The following PARP8 variants were observed in gnomAD, a reference collection of about 807,000 sequenced individuals.
PARP8 encodes the protein protein mono-ADP-ribosyltransferase PARP8.
A neutral mutation model predicts 124.1 loss-of-function variants in PARP8; 51 were observed. The observed-to-expected ratio is 0.41, with a 90% CI of 0.33 to 0.52. PARP8 has a LOEUF of 0.52. Among genes scored for constraint, PARP8 ranks in the 20% least tolerant of loss-of-function variants. The pLI is 0.21. For missense variants in PARP8, 860 were observed against 1,018.9 expected (o/e 0.84, Z 2.12); for synonymous variants, 391 against 361.5 (o/e 1.08, Z -0.93).
At chr5:50,749,180 A>T (rs1334564417) in intron 2 of PARP8, among the ~76,000 whole-genome samples, 3 of 152,148 alleles carry the variant, frequency 2.0e-5, no homozygotes, top group African/African-American at 7.2e-5. Context: ...ATTATATTGG[A>T]TTCACCCTGT....
chr5:50,667,263 G>A, intron 1 of PARP8, 77 bp downstream of exon 1: 1 of 1,450,954 alleles, frequency 6.9e-7, no homozygotes, highest in Non-Finnish European at 9.5e-7. Context: ...TGTGGCTGGG[G>A]GTGGGGTGGA....
chr5:50,701,109 CTT>C (rs1753548775), intron 2 of PARP8, among the ~76,000 whole-genome samples: 2 of 152,058 alleles, frequency 1.3e-5, no homozygotes, highest in South Asian at 4.1e-4. Context: ...TGTGAATTGA[CTT>C]TACAGATTTT....
At chr5:50,740,396 A>G (rs931913634) in intron 2 of PARP8, among the ~76,000 whole-genome samples, 3 of 152,182 alleles carry the variant, frequency 2.0e-5, no homozygotes, top group African/African-American at 7.2e-5. Context: ...CATGCTCAAG[A>G]ACTGAAAGGA....
At chr5:50,769,827 T>C (rs1761423596) in intron 7 of PARP8, among the ~76,000 whole-genome samples, 1 of 152,064 alleles carries the variant, frequency 6.6e-6, no homozygotes, top group Non-Finnish European at 1.5e-5. Flanking sequence ...ATCTCCATAT[T>C]GTGATAAGAC....
At chr5:50,741,335 G>A (rs985819909) in intron 2 of PARP8, among the ~76,000 whole-genome samples, 1 of 152,124 alleles carries the variant, frequency 6.6e-6, no homozygotes, top group Non-Finnish European at 1.5e-5. Flanking sequence ...GTAGTCATGA[G>A]TAAAGAAAAA....
intron 2 of PARP8, among the ~76,000 whole-genome samples, chr5:50,673,112 T>A (rs1425751938): frequency 1.3e-5 from 2 of 152,150 alleles, no homozygotes; most frequent in African/African-American, 4.8e-5. Context: ...AAAATATTGA[T>A]TTTTTAAAAG....
chr5:50,766,030 T>C (rs1450015201), intron 7 of PARP8, among the ~76,000 whole-genome samples: 1 of 152,140 alleles, frequency 6.6e-6, no homozygotes, highest in Non-Finnish European at 1.5e-5. Flanking sequence ...GCTAACCACA[T>C]CTAAGTTCTC....
intron 7 of PARP8, among the ~76,000 whole-genome samples, chr5:50,775,575 G>A (rs1739914463): frequency 1.3e-5 from 2 of 151,996 alleles, no homozygotes; most frequent in Admixed American, 6.6e-5. Context: ...AGAGAATAGA[G>A]GGACAATTTT....
intron 2 of PARP8, among the ~76,000 whole-genome samples, chr5:50,679,811 T>C (rs1751073514): frequency 6.6e-6 from 1 of 152,216 alleles, no homozygotes. Flanking sequence ...TTTTGATATG[T>C]GTTTTAGAGA....
chr5:50,747,357 T>A (rs1758700805), intron 2 of PARP8, among the ~76,000 whole-genome samples: 1 of 152,038 alleles, frequency 6.6e-6, no homozygotes, highest in Non-Finnish European at 1.5e-5. Context: ...TTTATTGAGA[T>A]TTGTGTTATA....
intron 10 of PARP8, among the ~76,000 whole-genome samples, chr5:50,791,721 T>A (rs767237724): frequency 6.6e-6 from 1 of 152,146 alleles, no homozygotes; most frequent in Admixed American, 6.6e-5. Context: ...TCTGCACTGA[T>A]CAAACCTTAG....
chr5:50,767,431 A>C (rs1203672835), intron 7 of PARP8, among the ~76,000 whole-genome samples: 2 of 152,216 alleles, frequency 1.3e-5, no homozygotes, highest in Non-Finnish European at 1.5e-5. Flanking sequence ...AGGGGAAAGA[A>C]AGGAGAGAGC....
intron 2 of PARP8, among the ~76,000 whole-genome samples, chr5:50,700,680 T>C (rs1417910915): frequency 2.0e-5 from 3 of 152,224 alleles, no homozygotes; most frequent in Admixed American, 6.5e-5. Flanking sequence ...CTCTTAACTG[T>C]TTGCAGTCTC....
At chr5:50,771,200 C>T (rs1276262208) in intron 7 of PARP8, among the ~76,000 whole-genome samples, 1 of 151,610 alleles carries the variant, frequency 6.6e-6, no homozygotes, top group Non-Finnish European at 1.5e-5. Flanking sequence ...GCTCTTGTTG[C>T]CCAAGCTGGA....
intron 2 of PARP8, among the ~76,000 whole-genome samples, chr5:50,669,728 A>G (rs762748009): frequency 6.6e-6 from 1 of 152,246 alleles, no homozygotes; most frequent in African/African-American, 2.4e-5. Flanking sequence ...AGATAACATC[A>G]GTTTTCACCA....
intron 2 of PARP8, among the ~76,000 whole-genome samples, chr5:50,672,510 T>A (rs2149433426): frequency 1.3e-5 from 2 of 152,336 alleles, no homozygotes; most frequent in South Asian, 4.1e-4. Flanking sequence ...TTCATACGAA[T>A]CCAGTGTGAC....
At chr5:50,691,037 C>T (rs1345876603) in intron 2 of PARP8, among the ~76,000 whole-genome samples, 4 of 152,192 alleles carry the variant, frequency 2.6e-5, no homozygotes, top group African/African-American at 9.7e-5. Context: ...AACATGTCCT[C>T]ATCATCGTTT....
chr5:50,668,024 A>G, intron 1 of PARP8, 47 bp from the exon 2 acceptor site: 1 of 1,611,536 alleles, frequency 6.2e-7, no homozygotes, highest in Non-Finnish European at 8.5e-7. Context: ...TCGGGGTTAA[A>G]ACAAATCCAC....
intron 2 of PARP8, among the ~76,000 whole-genome samples, chr5:50,745,612 G>A (rs1401050364): frequency 6.6e-6 from 1 of 152,156 alleles, no homozygotes; most frequent in African/African-American, 2.4e-5. Context: ...TCTAACTGGA[G>A]GTAGACAAAG....
Sources: gnomAD v4.1 joint callset for allele counts (sites outside exome capture counted in the v4.1 genomes callset) on GRCh38, gnomAD v4.1.1 for gene constraint, MANE v1.5 for transcripts, NCBI Gene and HGNC (gene_info 2026-07-23, HGNC 2026-07-21) for gene names.